ARID2: variants seen among roughly 807,000 people sequenced by gnomAD.
ARID2 encodes AT-rich interaction domain 2.
Under a neutral mutation model 184.6 loss-of-function variants are expected in ARID2, and 32 were observed. The observed-to-expected ratio is 0.17, with a 90% CI of 0.13 to 0.23. The LOEUF (loss-of-function observed/expected upper bound fraction) is 0.23. Ranked by LOEUF, ARID2 falls within the 10% of genes least tolerant of loss-of-function variation. The pLI is 1.00. For synonymous variants in ARID2, 836 were observed against 772.6 expected, an observed-to-expected ratio of 1.08 and a Z score of -1.36; for missense variants, 1,696 against 2,197.6, an observed-to-expected ratio of 0.77 and a Z score of 4.56.
At chr12:45,758,012 A>G (rs1190879703) in intron 3 of ARID2, among the ~76,000 whole-genome samples, 2 of 152,230 alleles carry the variant, frequency 1.3e-5, no homozygotes, top group Admixed American at 1.3e-4. Flanking sequence ...ATAGTCATTT[A>G]TGAATTCCCT....
At chr12:45,799,705 G>A (rs1277741515) in intron 3 of ARID2, among the ~76,000 whole-genome samples, 1 of 152,104 alleles carries the variant, frequency 6.6e-6, no homozygotes, top group African/African-American at 2.4e-5. Context: ...TTGCAAATGT[G>A]TAAGTACCAA....
intron 16 of ARID2, among the ~76,000 whole-genome samples, chr12:45,884,810 C>T (rs1944161512): frequency 6.6e-6 from 1 of 152,130 alleles, no homozygotes; most frequent in Admixed American, 6.6e-5. Flanking sequence ...TACAAAAGCC[C>T]CCCAAGAAGG....
intron 20 of ARID2, among the ~76,000 whole-genome samples, chr12:45,895,275 TAA>T (rs1224334314): frequency 6.6e-6 from 1 of 152,204 alleles, no homozygotes; most frequent in Admixed American, 6.5e-5. Flanking sequence ...ATTCATCCTT[TAA>T]GATTCAACTC....
chr12:45,834,405 C>T (rs895036965), intron 6 of ARID2, among the ~76,000 whole-genome samples: 1 of 152,054 alleles, frequency 6.6e-6, no homozygotes, highest in Non-Finnish European at 1.5e-5. Context: ...ATGTCACTTT[C>T]ATTCTTGAGG....
chr12:45,770,508 A>G (rs1295863506), intron 3 of ARID2, among the ~76,000 whole-genome samples: 1 of 152,200 alleles, frequency 6.6e-6, no homozygotes, highest in African/African-American at 2.4e-5. Flanking sequence ...ACCCACATTC[A>G]GTGGTTCCCA....
rs984248829 is a variant in ARID2, at chr12:45,738,222, C to T, written c.284+6908C>T. On this transcript the variant is annotated intron_variant, in intron 3 of 20. Coordinates refer to ENST00000334344, the MANE Select transcript of ARID2 (RefSeq NM_152641.4). ...TAGTAGAGTTAACATGTATAAATTC[C>T]TGTGAAAGTAATAATACTAACAATA... Among the ~76,000 whole-genome samples, 6 of 152,230 alleles carry T rather than the reference C, an allele frequency of 3.9e-5. No individual in the cohort carries two copies. In the South Asian group the frequency reaches 1.2e-3, roughly 32 times the overall value.
At chr12:45,757,838 A>C (rs1941597832) in intron 3 of ARID2, among the ~76,000 whole-genome samples, 1 of 152,212 alleles carries the variant, frequency 6.6e-6, no homozygotes, top group Admixed American at 6.5e-5. Context: ...AATGCATTTC[A>C]ATTAGATCTG....
At chr12:45,847,966 A>T (rs1316302314) in intron 12 of ARID2, among the ~76,000 whole-genome samples, 1 of 152,046 alleles carries the variant, frequency 6.6e-6, no homozygotes, top group Non-Finnish European at 1.5e-5. Context: ...TTCAGTACAG[A>T]CAGGATTATG....
chr12:45,849,825 A>T (rs1231255895), intron 14 of ARID2, 49 bp downstream of exon 14: 1 of 1,532,470 alleles, frequency 6.5e-7, no homozygotes, highest in South Asian at 1.2e-5. Context: ...TAATAATAAA[A>T]CTGAATGAAA....
intron 2 of ARID2, 133 bp downstream of exon 2, chr12:45,730,270 G>A: frequency 1.3e-6 from 1 of 756,696 alleles, no homozygotes. Flanking sequence ...GCTCCCAGCC[G>A]GTGGCACGGA....
At chr12:45,893,823 C>A (rs1156856813) in intron 20 of ARID2, 102 bp downstream of exon 20, 4 of 1,108,094 alleles carry the variant, frequency 3.6e-6, no homozygotes, top group Non-Finnish European at 3.7e-6. Flanking sequence ...TTGTTTTTCT[C>A]ATCAATTTTG....
At chr12:45,777,452 A>G (rs1942006123) in intron 3 of ARID2, among the ~76,000 whole-genome samples, 1 of 152,144 alleles carries the variant, frequency 6.6e-6, no homozygotes, top group Non-Finnish European at 1.5e-5. Context: ...CAATCACATT[A>G]AATGTACAGA....
chr12:45,901,154 ATTTTTT>A (rs71067909), intron 20 of ARID2, among the ~76,000 whole-genome samples: 5 of 44,966 alleles, frequency 1.1e-4, no homozygotes, highest in African/African-American at 7.0e-4. Context: ...AATTTCCTTA[ATTTTTT>A]TTTTTTTTTT....
intron 6 of ARID2, among the ~76,000 whole-genome samples, chr12:45,822,293 G>A (rs1942912681): frequency 6.6e-6 from 1 of 152,074 alleles, no homozygotes; most frequent in Non-Finnish European, 1.5e-5. Flanking sequence ...CTTGAAGCTA[G>A]GAGTTCAAGA....
chr12:45,732,194 A>C (rs1388710018), intron 3 of ARID2, among the ~76,000 whole-genome samples: 2 of 152,178 alleles, frequency 1.3e-5, no homozygotes, highest in Non-Finnish European at 2.9e-5. Context: ...TGTTATTAAA[A>C]ACTAAAATGA....
At chr12:45,863,818 CT>C (rs143655579) in intron 16 of ARID2, among the ~76,000 whole-genome samples, 3,336 of 144,756 alleles carry the variant, frequency 0.023, 141 homozygotes, top group African/African-American at 0.081. Context: ...TATAATTCTC[CT>C]TTTTTTTTCT....
At chr12:45,739,984 T>C (rs945791271) in intron 3 of ARID2, among the ~76,000 whole-genome samples, 1 of 152,224 alleles carries the variant, frequency 6.6e-6, no homozygotes, top group African/African-American at 2.4e-5. Flanking sequence ...GCAATACGCT[T>C]GAGCTCAGAT....
intron 2 of ARID2, among the ~76,000 whole-genome samples, chr12:45,730,412 G>A (rs1176891243): frequency 6.8e-6 from 1 of 146,372 alleles, no homozygotes. Flanking sequence ...CGGGGTCTGA[G>A]CGCCGCGGCG....
chr12:45,812,215 A>AG (rs1489435033), intron 4 of ARID2, among the ~76,000 whole-genome samples: 2 of 151,840 alleles, frequency 1.3e-5, no homozygotes, highest in Non-Finnish European at 2.9e-5. Flanking sequence ...CTAAAAAAAA[A>AG]AAGAGATACT....
Sources: allele counts gnomAD v4.1 joint callset (sites outside exome capture counted in the v4.1 genomes callset), GRCh38; gene constraint gnomAD v4.1.1; transcripts MANE v1.5; gene names NCBI Gene and HGNC (gene_info 2026-07-23, HGNC 2026-07-21).